The following TRPM4 variants were observed in gnomAD, a reference collection of about 807,000 sequenced individuals.
TRPM4 encodes the protein calcium-activated non-selective cation channel 1.
TRPM4 carries 124 observed loss-of-function variants against 135.6 expected under a neutral mutation model. The observed-to-expected ratio is 0.91, with a 90% CI of 0.79 to 1.06. TRPM4 has a LOEUF of 1.06. TRPM4 is among the 50% of genes least tolerant of loss of function. The probability of loss-of-function intolerance (pLI) is 0.00; values close to 1 mark genes in which losing one functional copy is unlikely to be tolerated. For missense variants in TRPM4, 1,658 were observed against 1,671.4 expected (o/e 0.99, Z 0.14); for synonymous variants, 745 against 705.6 (o/e 1.06, Z -0.88).
At chr19:49,169,591 A>AT (rs1412887762) in intron 6 of TRPM4, among the ~76,000 whole-genome samples, 1 of 146,538 alleles carries the variant, frequency 6.8e-6, no homozygotes, top group Non-Finnish European at 1.5e-5. Flanking sequence ...TAATGTTTGT[A>AT]TTTTTAGTAG....
intron 12 of TRPM4, among the ~76,000 whole-genome samples, chr19:49,188,298 T>C (rs1239732397): frequency 6.6e-6 from 1 of 152,210 alleles, no homozygotes; most frequent in Non-Finnish European, 1.5e-5. Flanking sequence ...TTATCATTTT[T>C]GCAAAGGTGG....
chr19:49,185,056 C>CT (rs1200841546), intron 12 of TRPM4, among the ~76,000 whole-genome samples: 3 of 151,914 alleles, frequency 2.0e-5, no homozygotes, highest in Non-Finnish European at 4.4e-5. Flanking sequence ...GGTGAGACAT[C>CT]TTTTTCCTGG....
intron 19 of TRPM4, 123 bp from the exon 20 acceptor site, chr19:49,201,841 C>A: frequency 1.0e-6 from 1 of 983,944 alleles, no homozygotes; most frequent in South Asian, 1.3e-5. Flanking sequence ...CTCAGGTGAT[C>A]CGGCCATCTC....
intron 20 of TRPM4, among the ~76,000 whole-genome samples, chr19:49,203,391 G>A (rs572319815): frequency 2.0e-5 from 3 of 151,908 alleles, no homozygotes; most frequent in Non-Finnish European, 2.9e-5. Context: ...GTGTTAGCCA[G>A]GATGGTTTCG....
intron 2 of TRPM4, 53 bp from the exon 3 acceptor site, chr19:49,165,988 G>C (rs1001498233): frequency 2.6e-6 from 4 of 1,533,286 alleles, no homozygotes; most frequent in Admixed American, 2.0e-5. Context: ...CGCTGACAGG[G>C]TGCTGGGGTC....
intron 2 of TRPM4, among the ~76,000 whole-genome samples, chr19:49,161,709 A>G (rs1265468298): frequency 1.3e-5 from 2 of 149,610 alleles, no homozygotes; most frequent in African/African-American, 2.5e-5. Flanking sequence ...GGCTCACTTC[A>G]ACCTCTGCCT....
rs553359054 is a variant in TRPM4 at position 49,200,925 on chromosome 19, T to C, written c.2953+140T>C. 3 of 891,034 alleles carry C rather than the reference T, an allele frequency of 3.4e-6. No individual in the cohort carries two copies. In the African/African-American group the frequency reaches 5.0e-5, roughly 15 times the overall value. 55.2% of individuals were successfully genotyped at this position (891,034 alleles called of 1,614,324 possible). A position where few individuals can be genotyped will look rare whatever the true frequency, so the allele number is the denominator to read the frequency against. On this transcript the variant is annotated intron_variant, in intron 19 of 24. Coordinates refer to ENST00000252826, the MANE Select transcript of TRPM4 (RefSeq NM_017636.4). Reference sequence around the variant, plus strand: ...TTCTCTGGATCTCTGAGTGATACCCTATATTCCCCATCATCATCTCTCTGG... The same window carrying C: ...TTCTCTGGATCTCTGAGTGATACCCCATATTCCCCATCATCATCTCTCTGG...
intron 17 of TRPM4, among the ~76,000 whole-genome samples, chr19:49,197,349 TTTCTTTC>T (rs1206102815): frequency 1.8e-5 from 2 of 112,782 alleles, no homozygotes; most frequent in Admixed American, 8.3e-5. Context: ...TCTTTCTTTC[TTTCTTTC>T]TTTCTTTCTC....
At chr19:49,189,142 G>A (rs1470472752) in intron 14 of TRPM4, 51 bp downstream of exon 14, 1 of 1,611,986 alleles carries the variant, frequency 6.2e-7, no homozygotes, top group South Asian at 1.1e-5. Flanking sequence ...TGGACTCTGG[G>A]AAGTATGGGG....
In TRPM4 at chr19:49,175,067, C is replaced by CTTTTTTTTT. The variant is rs772062913; in HGVS notation, c.1150+2976_1150+2984dup. On this transcript the variant is annotated intron_variant, in intron 9 of 24. Transcript: ENST00000252826. Reference sequence around the variant, plus strand: ...CACAGGCATGTGCCATCATGCCTGGCTTTTTTTTTTTTTTTTTTTTTTTTT... The same window carrying CTTTTTTTTT: ...CACAGGCATGTGCCATCATGCCTGGCTTTTTTTTTTTTTTTTTTTTTTTTTTTTTTTTTT... 1.0e-3 allele frequency among the ~76,000 whole-genome samples: 81 copies of CTTTTTTTTT among 77,582 alleles called. 5 individuals carry two copies. Among genetic ancestry groups the CTTTTTTTTT allele is most frequent in the East Asian group, 5.4e-3 (13 of 2,388 alleles). The allele number at this position is 77,582 out of a possible 152,430, so 50.9% of individuals were successfully genotyped here.
intron 2 of TRPM4, among the ~76,000 whole-genome samples, chr19:49,161,658 C>A (rs1298364191): frequency 6.8e-6 from 1 of 147,916 alleles, no homozygotes; most frequent in Admixed American, 6.8e-5. Context: ...GAGACGGAGT[C>A]TCGCTCTATC....
At chr19:49,182,945 G>GGGCC (rs1391227699) in intron 11 of TRPM4, 23 bp downstream of exon 11, 25 of 1,582,384 alleles carry the variant, frequency 1.6e-5, no homozygotes, top group Non-Finnish European at 2.1e-5. Flanking sequence ...CAAAGCTGGG[G>GGGCC]GGCCCCCCCG....
chr19:49,203,180 C>T lies in TRPM4; in HGVS notation c.3131+1039C>T, dbSNP rs143945603. ...TGCTAGGATTACAGGCGTGAGCCAC[C>T]GCGCCCCGCCTTTTTTTGAGATGGA... On this transcript the variant is annotated intron_variant, in intron 20 of 24. Transcript: ENST00000252826. 2.8e-4 allele frequency among the ~76,000 whole-genome samples: 42 copies of T among 151,346 alleles called. No individual in the cohort carries two copies. The South Asian group carries it at 3.6e-3, about 13-fold the overall frequency.
At chr19:49,169,198 TCAAA>T (rs1171929377) in intron 6 of TRPM4, among the ~76,000 whole-genome samples, 1 of 150,900 alleles carries the variant, frequency 6.6e-6, no homozygotes, top group Non-Finnish European at 1.5e-5. Context: ...ATACTCCATC[TCAAA>T]CAAACAAACA....
At chr19:49,161,726 T>G (rs1966973881) in intron 2 of TRPM4, among the ~76,000 whole-genome samples, 1 of 150,098 alleles carries the variant, frequency 6.7e-6, no homozygotes, top group Non-Finnish European at 1.5e-5. Context: ...GCCTCCTGGG[T>G]TCAAGCGATT....
intron 2 of TRPM4, 144 bp from the exon 3 acceptor site, chr19:49,165,897 G>C: frequency 3.6e-6 from 3 of 836,914 alleles, no homozygotes. Flanking sequence ...GTCAGAGCCA[G>C]GGCCAGGGGC....
Position 49,171,387 on chromosome 19 carries a change from T to C in TRPM4, c.827T>C (p.Leu276Pro), listed in dbSNP as rs567594620. 6.2e-7 allele frequency: 1 copy of C among 1,614,004 alleles called. No individual in the cohort carries two copies. The highest frequency in any genetic ancestry group is 1.3e-5 in the African/African-American group (1 of 74,976). Residue 276 changes from leucine (L) to proline (P), a missense_variant, in exon 7 of 25, where the codon CTC becomes CCC. Leu to Pro is a moderately conservative substitution (Grantham distance 98, BLOSUM62 -3). Coordinates refer to ENST00000252826, the MANE Select transcript of TRPM4 (RefSeq NM_017636.4). This position sits in a 1 kb window ranked among gnomAD's most constrained non-coding sequence, Gnocchi z 4.7. ...GTGIDIPVLL[L>P]LIDGDEKMLT... is the part of the protein sequence containing the mutation. ...GGAATTGACATCCCTGTCCTGCTCC[T>C]CCTGATTGATGGTGATGAGAAGATG... is the stretch of plus-strand genomic sequence containing the variant.
chr19:49,160,965 T>C (rs528539160), intron 2 of TRPM4, among the ~76,000 whole-genome samples: 1 of 151,976 alleles, frequency 6.6e-6, no homozygotes, highest in East Asian at 1.9e-4. Context: ...CCGGGACGTA[T>C]GCTCTGCTGA....
At chr19:49,179,339 G>A (rs1967827402) in intron 9 of TRPM4, among the ~76,000 whole-genome samples, 2 of 151,770 alleles carry the variant, frequency 1.3e-5, no homozygotes, top group South Asian at 4.2e-4. Flanking sequence ...ACAGGCATGA[G>A]CCACAGCATC....
Sources: gnomAD v4.1 joint callset for allele counts (sites outside exome capture counted in the v4.1 genomes callset) on GRCh38, gnomAD v4.1.1 for gene constraint, Gnocchi (gnomAD v3.1) non-coding constraint, MANE v1.5 for transcripts, NCBI Gene and HGNC (gene_info 2026-07-23, HGNC 2026-07-21) for gene names.